Variants in KCNIP4 observed in about 807,000 individuals in gnomAD.
The protein encoded by KCNIP4 is Kv channel-interacting protein 4.
In KCNIP4, 12 loss-of-function variants were observed where a neutral mutation model predicts 34.0. That is an observed-to-expected ratio of 0.35 (90% confidence interval 0.23 to 0.57). KCNIP4 has a LOEUF of 0.57. Among genes scored for constraint, KCNIP4 ranks in the 20% least tolerant of loss-of-function variants. The pLI is 0.83. For synonymous variants in KCNIP4, 124 were observed against 102.2 expected, an observed-to-expected ratio of 1.21 and a Z score of -1.29; for missense variants, 238 against 311.7, an observed-to-expected ratio of 0.76 and a Z score of 1.78.
intron 1 of KCNIP4, among the ~76,000 whole-genome samples, chr4:21,705,167 A>G (rs1237330372): frequency 6.6e-6 from 1 of 152,206 alleles, no homozygotes; most frequent in Admixed American, 6.5e-5. Flanking sequence ...TGACAGAATT[A>G]TAAAAGTGGA....
At chr4:20,783,128 C>T (rs936512718) in intron 3 of KCNIP4, among the ~76,000 whole-genome samples, 1 of 152,144 alleles carries the variant, frequency 6.6e-6, no homozygotes, top group Non-Finnish European at 1.5e-5. Flanking sequence ...CTGAGAACAC[C>T]TCAGACTGGA....
chr4:21,200,335 TATAC>T (rs1401485567), intron 1 of KCNIP4, among the ~76,000 whole-genome samples: 9 of 144,178 alleles, frequency 6.2e-5, no homozygotes, highest in African/African-American at 2.1e-4. Flanking sequence ...TGTATATATA[TATAC>T]ATACATATAT....
chr4:21,652,842 C>A (rs1466840827), intron 1 of KCNIP4, among the ~76,000 whole-genome samples: 1 of 152,068 alleles, frequency 6.6e-6, no homozygotes, highest in Non-Finnish European at 1.5e-5. Flanking sequence ...TGAGTGGGAG[C>A]AAGAGGAAGC....
rs546243054 is a variant in KCNIP4 at position 21,141,743 on chromosome 4, A to G, written c.62-259034T>C. Among the ~76,000 whole-genome samples the G allele has an allele frequency of 2.1e-4, 32 of 152,306 alleles. No individual in the cohort carries two copies. The Middle Eastern group carries it at 0.01, about 49-fold the overall frequency. ...TCAATGTAAAAGAAATGATGCAAGT[A>G]AATCTGCATCCATTCAACAATAAAA... On this transcript the variant is annotated intron_variant, in intron 1 of 8. Coordinates refer to ENST00000382152, the MANE Select transcript of KCNIP4 (RefSeq NM_025221.6).
At chr4:21,876,908 A>G (rs2109375992) in intron 1 of KCNIP4, among the ~76,000 whole-genome samples, 1 of 152,170 alleles carries the variant, frequency 6.6e-6, no homozygotes, top group South Asian at 2.1e-4. Context: ...ATAACAGGCC[A>G]TGTGCAAGCC....
At chr4:20,886,413 G>A (rs2149530109) in intron 1 of KCNIP4, among the ~76,000 whole-genome samples, 1 of 152,324 alleles carries the variant, frequency 6.6e-6, no homozygotes, top group East Asian at 1.9e-4. Flanking sequence ...AGAGAGAATT[G>A]ATGTATGCGT....
At chr4:21,480,551 C>T (rs1050400716) in intron 1 of KCNIP4, among the ~76,000 whole-genome samples, 7 of 152,066 alleles carry the variant, frequency 4.6e-5, no homozygotes, top group Admixed American at 2.0e-4. Flanking sequence ...GCAAAGCAAA[C>T]ATAAAATTTA....
intron 1 of KCNIP4, among the ~76,000 whole-genome samples, chr4:21,153,776 C>T (rs559908051): frequency 6.6e-6 from 1 of 152,106 alleles, no homozygotes; most frequent in African/African-American, 2.4e-5. Context: ...AAGTACAGCT[C>T]CTTGAGCACT....
intron 1 of KCNIP4, among the ~76,000 whole-genome samples, chr4:21,031,325 A>G (rs1012533694): frequency 3.3e-5 from 5 of 152,214 alleles, no homozygotes; most frequent in African/African-American, 1.2e-4. Context: ...CATTTATGAA[A>G]TAGTAGCTTC....
intron 1 of KCNIP4, among the ~76,000 whole-genome samples, chr4:21,107,082 G>A (rs570976031): frequency 6.8e-6 from 1 of 147,222 alleles, no homozygotes; most frequent in Non-Finnish European, 1.5e-5. Flanking sequence ...CTGTTGATTT[G>A]GGGTGGAGAG....
chr4:21,319,469 A>G (rs980910560), intron 1 of KCNIP4, among the ~76,000 whole-genome samples: 4 of 152,198 alleles, frequency 2.6e-5, no homozygotes, highest in Non-Finnish European at 4.4e-5. Flanking sequence ...ATCTTTTCCT[A>G]GAAACTCTTC....
chr4:21,252,413 C>T (rs1224211890), intron 1 of KCNIP4, among the ~76,000 whole-genome samples: 1 of 151,898 alleles, frequency 6.6e-6, no homozygotes, highest in Non-Finnish European at 1.5e-5. Context: ...GGTGTGAGCC[C>T]CTTCCCTCGC....
chr4:21,636,963 A>T (rs1024956740), intron 1 of KCNIP4, among the ~76,000 whole-genome samples: 1 of 152,170 alleles, frequency 6.6e-6, no homozygotes, highest in Admixed American at 6.6e-5. Context: ...GAAACATTTA[A>T]TAATAGTTGT....
Position 21,298,411 on chromosome 4 carries a change from G to T in KCNIP4, c.62-415702C>A, listed in dbSNP as rs191148627. Among the ~76,000 whole-genome samples the T allele has an allele frequency of 5.2e-3, 791 of 152,172 alleles. 8 individuals are homozygous for T. The highest frequency in any genetic ancestry group is 0.019 in the African/African-American group (774 of 41,524). On this transcript the variant is annotated intron_variant, in intron 1 of 8. Transcript: ENST00000382152. ...GGATCATCTTACTGCCTTCATCCAT[G>T]CTTCAGTCAACCCAATCCATACATC...
chr4:20,816,824 T>C (rs2149439886), intron 3 of KCNIP4, among the ~76,000 whole-genome samples: 1 of 152,354 alleles, frequency 6.6e-6, no homozygotes, highest in Admixed American at 6.5e-5. Flanking sequence ...ATTTCATCTT[T>C]TCTTATCAAA....
chr4:21,713,536 T>C (rs905613045), intron 1 of KCNIP4, among the ~76,000 whole-genome samples: 2 of 152,240 alleles, frequency 1.3e-5, no homozygotes, highest in African/African-American at 2.4e-5. Context: ...GCATAGAAAG[T>C]GTAATGATCA....
intron 1 of KCNIP4, among the ~76,000 whole-genome samples, chr4:21,076,509 G>T (rs1745498626): frequency 6.6e-6 from 1 of 151,980 alleles, no homozygotes; most frequent in South Asian, 2.1e-4. Flanking sequence ...ATGCTTTTCT[G>T]TGTCTCTTTT....
At chr4:21,455,170 G>A (rs184802823) in intron 1 of KCNIP4, among the ~76,000 whole-genome samples, 4 of 150,054 alleles carry the variant, frequency 2.7e-5, no homozygotes, top group African/African-American at 7.4e-5. Context: ...GGATTAGCTT[G>A]GGTCAGATAT....
intron 1 of KCNIP4, among the ~76,000 whole-genome samples, chr4:21,575,313 T>A (rs1740672374): frequency 6.6e-6 from 1 of 152,210 alleles, no homozygotes; most frequent in Admixed American, 6.5e-5. Context: ...TAGGAAAGTT[T>A]AGGGCACATC....
Sources: allele counts gnomAD v4.1 joint callset (sites outside exome capture counted in the v4.1 genomes callset), GRCh38; gene constraint gnomAD v4.1.1; transcripts MANE v1.5; gene names NCBI Gene and HGNC (gene_info 2026-07-23, HGNC 2026-07-21).